The following ANKS1A variants were observed in gnomAD, a reference collection of about 807,000 sequenced individuals.
The protein encoded by ANKS1A is ankyrin repeat and sterile alpha motif domain containing 1A.
Under a neutral mutation model 120.3 loss-of-function variants are expected in ANKS1A, and 55 were observed. That is an observed-to-expected ratio of 0.46 (90% confidence interval 0.37 to 0.57). ANKS1A has a LOEUF of 0.57. ANKS1A is among the 20% of genes least tolerant of loss of function. ANKS1A has a pLI of 0.00. For synonymous variants in ANKS1A, 590 were observed against 604.7 expected (o/e 0.98, Z 0.36); for missense variants, 1,123 against 1,480.3 (o/e 0.76, Z 3.96).
At chr6:35,070,477 CCTTTAT>C in intron 13 of ANKS1A, among the ~76,000 whole-genome samples, 1 of 143,844 alleles carries the variant, frequency 7.0e-6, no homozygotes, top group Non-Finnish European at 1.5e-5. Context: ...TCCCCACAAG[CCTTTAT>C]CTTTTTTTTT....
chr6:35,045,753 CA>C (rs1056211601), intron 11 of ANKS1A, among the ~76,000 whole-genome samples: 7 of 152,164 alleles, frequency 4.6e-5, no homozygotes, highest in African/African-American at 1.7e-4. Flanking sequence ...GCTAGCTCCC[CA>C]CCAGGGTGCT....
intron 10 of ANKS1A, among the ~76,000 whole-genome samples, chr6:34,994,643 C>T (rs1772754786): frequency 6.6e-6 from 1 of 152,072 alleles, no homozygotes; most frequent in Admixed American, 6.6e-5. Flanking sequence ...GTATGCGAAG[C>T]AAGGAAAAGG....
intron 10 of ANKS1A, among the ~76,000 whole-genome samples, chr6:35,009,680 A>G (rs758607093): frequency 6.6e-6 from 1 of 151,980 alleles, no homozygotes; most frequent in Non-Finnish European, 1.5e-5. Context: ...AGGTGGGTGG[A>G]TCACTTGAGG....
chr6:35,008,201 G>A (rs953876839), intron 10 of ANKS1A, among the ~76,000 whole-genome samples: 12 of 150,072 alleles, frequency 8.0e-5, no homozygotes, highest in African/African-American at 2.9e-4. Context: ...AACTTCAGCA[G>A]CTTCCTCTTC....
chr6:35,085,383 T>C lies in ANKS1A; in HGVS notation c.3133-383T>C, dbSNP rs947948570. ...GAAAACCACAGGGTTTATGGGGAAA[T>C]GGAGTTAGGGGCACAGCACTCACAG... On this transcript the variant is annotated intron_variant, in intron 21 of 23. Coordinates refer to ENST00000360359, the MANE Select transcript of ANKS1A (RefSeq NM_015245.3). This position sits in a 1 kb window ranked among gnomAD's most constrained non-coding sequence, Gnocchi z 4.7. Among the ~76,000 whole-genome samples, 3 of 152,108 alleles carry C rather than the reference T, an allele frequency of 2.0e-5. No individual in the cohort carries two copies. The highest frequency in any genetic ancestry group is 2.9e-5 in the Non-Finnish European group (2 of 68,022).
At chr6:34,926,901 T>C (rs570023643) in intron 1 of ANKS1A, among the ~76,000 whole-genome samples, 2 of 152,292 alleles carry the variant, frequency 1.3e-5, no homozygotes, top group African/African-American at 4.8e-5. Flanking sequence ...CTTACAATTA[T>C]GGTACAGTAT....
In ANKS1A at chr6:35,054,080, G is replaced by C; in HGVS notation, c.2011-19G>C. The C allele has an allele frequency of 6.2e-7, 1 of 1,612,022 alleles. No homozygotes were observed. The highest frequency in any genetic ancestry group is 8.5e-7 in the Non-Finnish European group (1 of 1,178,268). On this transcript the variant is annotated intron_variant, in intron 11 of 23. Coordinates refer to ENST00000360359, the MANE Select transcript of ANKS1A (RefSeq NM_015245.3). ...CCAAGCCTGACTGCCTCTCCTCTTTGTTCTTTCTTCCATTTCAGATTGAGA... is the reference window on the plus strand; with the variant it reads ...CCAAGCCTGACTGCCTCTCCTCTTTCTTCTTTCTTCCATTTCAGATTGAGA...
chr6:34,986,319 C>T (rs1041456569), intron 8 of ANKS1A, among the ~76,000 whole-genome samples: 72 of 152,140 alleles, frequency 4.7e-4, no homozygotes, highest in African/African-American at 1.7e-3. Flanking sequence ...GATAACTTAC[C>T]CCTGGCTTCT....
intron 11 of ANKS1A, among the ~76,000 whole-genome samples, chr6:35,040,291 C>T (rs1242913740): frequency 1.3e-5 from 2 of 152,242 alleles, no homozygotes; most frequent in Non-Finnish European, 2.9e-5. Flanking sequence ...GTTTTCTCAC[C>T]TGCAAAATTG....
intron 8 of ANKS1A, 50 bp downstream of exon 8, chr6:34,985,328 C>T: frequency 6.4e-7 from 1 of 1,570,720 alleles, no homozygotes; most frequent in East Asian, 2.3e-5. Flanking sequence ...GGCTGGCTGG[C>T]CCCTGAGGTG....
intron 9 of ANKS1A, among the ~76,000 whole-genome samples, chr6:34,991,659 C>A (rs1328409630): frequency 1.9e-5 from 2 of 104,184 alleles, no homozygotes; most frequent in African/African-American, 5.5e-5. Flanking sequence ...CATATATATA[C>A]ACATATATAT....
downstream of ANKS1A, among the ~76,000 whole-genome samples, chr6:35,094,371 C>G (rs561146209): frequency 3.7e-4 from 55 of 149,950 alleles, no homozygotes; most frequent in African/African-American, 1.3e-3. Flanking sequence ...CCTGGGGAGG[C>G]AGAGGTTGCA....
intron 10 of ANKS1A, among the ~76,000 whole-genome samples, chr6:35,003,096 G>A (rs1246849641): frequency 6.6e-6 from 1 of 151,598 alleles, no homozygotes; most frequent in Admixed American, 6.6e-5. Flanking sequence ...AAAAACAGGC[G>A]AACTCCTAGG....
At chr6:34,978,199 G>A (rs1771706155) in intron 3 of ANKS1A, among the ~76,000 whole-genome samples, 1 of 152,032 alleles carries the variant, frequency 6.6e-6, no homozygotes, top group Non-Finnish European at 1.5e-5. Context: ...CTCATGATCT[G>A]CCCACTTCGG....
intron 3 of ANKS1A, among the ~76,000 whole-genome samples, chr6:34,977,957 CTT>C (rs576184211): frequency 5.7e-4 from 86 of 151,892 alleles, no homozygotes; most frequent in African/African-American, 2.0e-3. Context: ...GAAAAAGTTT[CTT>C]TCTTCCTTTT....
chr6:34,929,189 A>G (rs907954538), intron 1 of ANKS1A, among the ~76,000 whole-genome samples: 3 of 152,228 alleles, frequency 2.0e-5, no homozygotes, highest in African/African-American at 4.8e-5. Context: ...TAAGTAAGGA[A>G]TGAGTACTGT....
At chr6:35,087,971 G>A (rs1489797157) in intron 23 of ANKS1A, among the ~76,000 whole-genome samples, 1 of 152,214 alleles carries the variant, frequency 6.6e-6, no homozygotes, top group Non-Finnish European at 1.5e-5. Context: ...TAGAACCAAC[G>A]AGGAGGCGGC....
intron 1 of ANKS1A, among the ~76,000 whole-genome samples, chr6:34,955,336 C>T (rs1008930235): frequency 2.1e-4 from 32 of 151,996 alleles, no homozygotes; most frequent in African/African-American, 7.7e-4. Flanking sequence ...GGGGTTTCTC[C>T]ATGTTGGCCA....
intron 8 of ANKS1A, among the ~76,000 whole-genome samples, chr6:34,988,359 G>A (rs1299378862): frequency 6.6e-6 from 1 of 152,224 alleles, no homozygotes; most frequent in Non-Finnish European, 1.5e-5. Flanking sequence ...CACTTTGGGA[G>A]GCCAAGGCGG....
Sources: gnomAD v4.1 joint callset for allele counts (sites outside exome capture counted in the v4.1 genomes callset) on GRCh38, gnomAD v4.1.1 for gene constraint, Gnocchi (gnomAD v3.1) non-coding constraint, MANE v1.5 for transcripts, NCBI Gene and HGNC (gene_info 2026-07-23, HGNC 2026-07-21) for gene names.